Variants in THUMPD2 observed in about 807,000 individuals in gnomAD.
The protein encoded by THUMPD2 is THUMP domain 2 tRNA and snRNA guanosine methyltransferase.
THUMPD2 carries 56 observed loss-of-function variants against 49.4 expected under a neutral mutation model. That is an observed-to-expected ratio of 1.13 (90% CI 0.91 to 1.41). The LOEUF (loss-of-function observed/expected upper bound fraction) is 1.41. Ranked by LOEUF, THUMPD2 falls within the 40% of genes most tolerant of loss-of-function variation. The pLI, the probability that THUMPD2 is intolerant of heterozygous loss-of-function variation, is 0.00. For missense variants in THUMPD2, 709 were observed against 594.5 expected, an observed-to-expected ratio of 1.19 and a Z score of -2.00; for synonymous variants, 237 against 205.2, an observed-to-expected ratio of 1.15 and a Z score of -1.32.
At chr2:39,748,781 A>G (rs1208874345) in intron 8 of THUMPD2, among the ~76,000 whole-genome samples, 2 of 151,998 alleles carry the variant, frequency 1.3e-5, no homozygotes, top group African/African-American at 4.8e-5. Flanking sequence ...TTTAAGACCA[A>G]CCTGGGCAAT....
Position 39,756,834 on chromosome 2 carries a change from T to A in THUMPD2, c.892-874A>T, listed in dbSNP as rs184492751. On this transcript the variant is annotated intron_variant, in intron 6 of 9. Transcript: ENST00000505747. ...AGAAAGTGAAACTGTTCTTTCTTAG[T>A]TAATGGTCTTTCTCCGGAGCTCTGT... 1.8e-3 allele frequency among the ~76,000 whole-genome samples: 277 copies of A among 152,010 alleles called. 2 individuals carry two copies. The highest frequency in any genetic ancestry group is 6.3e-3 in the African/African-American group (262 of 41,450).
intron 6 of THUMPD2, among the ~76,000 whole-genome samples, chr2:39,758,057 A>G (rs1032304338): frequency 2.0e-5 from 3 of 152,212 alleles, no homozygotes; most frequent in African/African-American, 7.2e-5. Flanking sequence ...GGGCAAATAC[A>G]CAGTAAGGAA....
intron 8 of THUMPD2, among the ~76,000 whole-genome samples, chr2:39,752,837 A>G (rs1648491848): frequency 6.6e-6 from 1 of 152,226 alleles, no homozygotes; most frequent in Non-Finnish European, 1.5e-5. Flanking sequence ...TCCAGTATCA[A>G]CAGTGGAGAA....
chr2:39,774,566 C>T (rs570463547), intron 1 of THUMPD2, among the ~76,000 whole-genome samples: 4 of 152,238 alleles, frequency 2.6e-5, no homozygotes, highest in African/African-American at 7.2e-5. Context: ...TCAAATAATC[C>T]TATCTGTGAA....
At chr2:39,738,274 T>G (rs564553156) in intron 9 of THUMPD2, among the ~76,000 whole-genome samples, 4 of 152,144 alleles carry the variant, frequency 2.6e-5, no homozygotes, top group African/African-American at 9.7e-5. Flanking sequence ...CAGTGTCAAA[T>G]GCTATAGGGC....
intron 8 of THUMPD2, among the ~76,000 whole-genome samples, chr2:39,750,526 G>A (rs1675258224): frequency 6.6e-6 from 1 of 152,130 alleles, no homozygotes; most frequent in African/African-American, 2.4e-5. Flanking sequence ...GGGCAACATG[G>A]CGAAACCTTG....
chr2:39,743,884 T>C (rs1459366427), intron 9 of THUMPD2, among the ~76,000 whole-genome samples: 1 of 152,170 alleles, frequency 6.6e-6, no homozygotes, highest in Non-Finnish European at 1.5e-5. Flanking sequence ...AAGACAACAA[T>C]AAATAATAAG....
At chr2:39,764,566 T>TAGGACA (rs566879887) in intron 5 of THUMPD2, among the ~76,000 whole-genome samples, 72 of 152,340 alleles carry the variant, frequency 4.7e-4, no homozygotes, top group African/African-American at 1.5e-3. Context: ...TTTAGGAACT[T>TAGGACA]AGGACAAATT....
chr2:39,758,296 A>G (rs1676392453), intron 6 of THUMPD2, among the ~76,000 whole-genome samples: 1 of 152,192 alleles, frequency 6.6e-6, no homozygotes. Context: ...TCAAACAAAA[A>G]AAGAGAAAAT....
At chr2:39,746,113 G>T (rs538706737) in intron 8 of THUMPD2, among the ~76,000 whole-genome samples, 22 of 152,160 alleles carry the variant, frequency 1.4e-4, no homozygotes, top group Non-Finnish European at 2.9e-4. Flanking sequence ...CTGCTTTGTG[G>T]TCATTATTTA....
intron 9 of THUMPD2, among the ~76,000 whole-genome samples, chr2:39,743,751 T>C (rs1324260803): frequency 6.6e-6 from 1 of 152,210 alleles, no homozygotes; most frequent in African/African-American, 2.4e-5. Flanking sequence ...CATCACAAAC[T>C]GAGCAGATAG....
At chr2:39,755,181 G>T (rs1309029488) in intron 8 of THUMPD2, 114 bp downstream of exon 8, 1 of 605,186 alleles carries the variant, frequency 1.7e-6, no homozygotes, top group Non-Finnish European at 2.8e-6. Context: ...TAGTCCCACA[G>T]ATATATTAAA....
At chr2:39,744,641 C>A in intron 8 of THUMPD2, 163 bp from the exon 9 acceptor site, 1 of 470,978 alleles carries the variant, frequency 2.1e-6, no homozygotes, top group Non-Finnish European at 3.7e-6. Flanking sequence ...AATGCTTTCA[C>A]AATCACTAAT....
rs757592635 is a variant in THUMPD2, at chr2:39,769,752, A to G, written c.630T>C (p.Ser210=). The change falls in exon 3 of 10, where the codon TCT becomes TCC. Residue 210 remains serine, a synonymous_variant. Coordinates refer to ENST00000505747, the MANE Select transcript of THUMPD2 (RefSeq NM_025264.5). ...HNQNDLTFRV[S]CRCSGTIGKA... ...TTCCAATAGTTCCACTGCAGCGACA[A>G]GATACTCTGAAAGTCAAGTCATTCT... 11 of 1,588,012 alleles carry G rather than the reference A, an allele frequency of 6.9e-6. No individual in the cohort carries two copies. Among genetic ancestry groups the G allele is most frequent in the Admixed American group, 1.9e-5 (1 of 53,492 alleles).
rs540784582 is a variant in THUMPD2, at chr2:39,748,818, T to A, written c.1079-4340A>T. Among the ~76,000 whole-genome samples, 5 of 151,944 alleles carry A rather than the reference T, an allele frequency of 3.3e-5. No individual in the cohort carries two copies. The South Asian group carries it at 1.0e-3, about 32-fold the overall frequency. On this transcript the variant is annotated intron_variant, in intron 8 of 9. Coordinates refer to ENST00000505747, the MANE Select transcript of THUMPD2 (RefSeq NM_025264.5). ...CAGTGAGACCCCATCTCTATTTTTT[T>A]AAAAAAGAAAATTAGCCAGGCATGG...
At chr2:39,772,270 G>A (rs116775130) in intron 1 of THUMPD2, among the ~76,000 whole-genome samples, 2,790 of 152,330 alleles carry the variant, frequency 0.018, 38 homozygotes, top group Non-Finnish European at 0.029. Flanking sequence ...GTGTCAGGTG[G>A]ATGGATAAAG....
chr2:39,761,050 C>G (rs907898744), intron 6 of THUMPD2, among the ~76,000 whole-genome samples: 1 of 152,068 alleles, frequency 6.6e-6, no homozygotes, highest in Non-Finnish European at 1.5e-5. Flanking sequence ...GGAGGTTTTA[C>G]AGGCCACATT....
chr2:39,762,361 A>G (rs934047737), intron 5 of THUMPD2, among the ~76,000 whole-genome samples: 1 of 151,876 alleles, frequency 6.6e-6, no homozygotes, highest in South Asian at 2.1e-4. Flanking sequence ...TCTTTCTTTC[A>G]CCATTTTGCC....
chr2:39,770,171 A>G, intron 2 of THUMPD2, 52 bp from the exon 3 acceptor site: 1 of 1,266,700 alleles, frequency 7.9e-7, no homozygotes, highest in Non-Finnish European at 1.0e-6. Context: ...AAGACCATCT[A>G]TTACAATCAT....
Sources: gnomAD v4.1 joint callset for allele counts (sites outside exome capture counted in the v4.1 genomes callset) on GRCh38, gnomAD v4.1.1 for gene constraint, MANE v1.5 for transcripts, NCBI Gene and HGNC (gene_info 2026-07-23, HGNC 2026-07-21) for gene names.